Variants in TSEN15 observed in about 807,000 individuals in gnomAD.
TSEN15 encodes the protein tRNA-splicing endonuclease subunit Sen15.
A neutral mutation model predicts 20.5 loss-of-function variants in TSEN15; 10 were observed. The observed-to-expected ratio is 0.49, with a 90% CI of 0.30 to 0.83. The LOEUF (loss-of-function observed/expected upper bound fraction) is 0.83, where lower values mean the gene tolerates loss of function less well. Ranked by LOEUF, TSEN15 falls within the 40% of genes least tolerant of loss-of-function variation. The pLI is 0.06. For synonymous variants in TSEN15, 72 were observed against 80.1 expected (o/e 0.90, Z 0.54); for missense variants, 180 against 218.6 (o/e 0.82, Z 1.11).
chr1:184,081,783 C>T (rs1651173552), intron 3 of TSEN15, among the ~76,000 whole-genome samples: 3 of 152,094 alleles, frequency 2.0e-5, no homozygotes, highest in Admixed American at 1.3e-4. Flanking sequence ...GGGAAACAGG[C>T]CACCTAGAGG....
At chr1:184,069,969 A>T (rs1302375741) in intron 3 of TSEN15, among the ~76,000 whole-genome samples, 1 of 151,924 alleles carries the variant, frequency 6.6e-6, no homozygotes, top group Non-Finnish European at 1.5e-5. Flanking sequence ...AGGCCTCAGA[A>T]ATGGGAACTT....
At chr1:184,087,526 C>T (rs1471116493) in intron 3 of TSEN15, among the ~76,000 whole-genome samples, 3 of 152,214 alleles carry the variant, frequency 2.0e-5, no homozygotes, top group Non-Finnish European at 4.4e-5. Flanking sequence ...CATGATCAGA[C>T]TCCTGGTTTA....
At chr1:184,080,017 A>G (rs1651132268) in intron 3 of TSEN15, among the ~76,000 whole-genome samples, 1 of 152,192 alleles carries the variant, frequency 6.6e-6, no homozygotes, top group African/African-American at 2.4e-5. Flanking sequence ...TATGATAAAT[A>G]GTTTTCAAAC....
chr1:184,084,672 AG>A (rs1372995310), intron 3 of TSEN15, among the ~76,000 whole-genome samples: 1 of 151,986 alleles, frequency 6.6e-6, no homozygotes, highest in East Asian at 2.0e-4. Flanking sequence ...GCATCTGGCA[AG>A]GGCCTGCTTG....
chr1:184,055,030 G>T lies in TSEN15; in HGVS notation c.353+167G>T, dbSNP rs1650197058. On this transcript the variant is annotated intron_variant, in intron 3 of 4. Transcript: ENST00000645668. The stretch of plus-strand genomic sequence containing the variant: ...ATGAGTGTTGTATTCGGCCATTCTT[G>T]CATTGCTATAAAGAAATACCTGAGA... 1.0e-5 allele frequency: 7 copies of T among 701,340 alleles called. No individual in the cohort carries two copies. The South Asian group carries it at 1.8e-4, about 18-fold the overall frequency. 43.4% of individuals were successfully genotyped at this position (701,340 alleles called of 1,614,324 possible).
chr1:184,072,707 G>A, intron 4 of TSEN15, 120 bp from the exon 5 acceptor site: 1 of 812,788 alleles, frequency 1.2e-6, no homozygotes, highest in Admixed American at 2.7e-5. Context: ...TGCTATATGT[G>A]ATTTCTTTAC....
chr1:184,068,408 T>G (rs539910928), intron 3 of TSEN15, among the ~76,000 whole-genome samples: 6 of 152,328 alleles, frequency 3.9e-5, no homozygotes, highest in African/African-American at 1.4e-4. Flanking sequence ...GTCATTTGGC[T>G]TCTCTGCATA....
rs777274418 is a variant in TSEN15 at position 184,072,221 on chromosome 1, A to G, written c.418A>G (p.Thr140Ala). Reference sequence around the variant, plus strand: ...TGATCCAGATTTGCCGATGTCTTTTACTTTGGCCATAGTGGAGTCTGATTC... The same window carrying G: ...TGATCCAGATTTGCCGATGTCTTTTGCTTTGGCCATAGTGGAGTCTGATTC... ...QGDPDLPMSFTLAIVESDSTI... is the reference protein window; with the variant it reads ...QGDPDLPMSFALAIVESDSTI... Residue 140 changes from threonine to alanine, a missense_variant, in exon 4 of 5, where the codon ACT becomes GCT. By Grantham distance (58) the Thr-to-Ala change is moderately conservative. Coordinates refer to ENST00000645668, the MANE Select transcript of TSEN15 (RefSeq NM_052965.4). 1.2e-6 allele frequency: 2 copies of G among 1,613,584 alleles called. No individual in the cohort carries two copies. The highest frequency in any genetic ancestry group is 1.3e-5 in the African/African-American group (1 of 74,984).
chr1:184,059,394 A>C (rs1312743623), intron 3 of TSEN15, among the ~76,000 whole-genome samples: 1 of 152,178 alleles, frequency 6.6e-6, no homozygotes. Context: ...ATAAAATTTC[A>C]GAGAAAAGAG....
chr1:184,083,451 C>G (rs1651206489), intron 3 of TSEN15, among the ~76,000 whole-genome samples: 1 of 152,188 alleles, frequency 6.6e-6, no homozygotes, highest in African/African-American at 2.4e-5. Context: ...TATGCCAAAC[C>G]TATGCATTTA....
chr1:184,075,280 C>T (rs1197228560), downstream of TSEN15, among the ~76,000 whole-genome samples: 7 of 152,074 alleles, frequency 4.6e-5, no homozygotes, highest in Non-Finnish European at 1.5e-5. Context: ...GCCAGCCAGA[C>T]ACATCCTAAC....
rs138622492 is a variant in TSEN15 at position 184,079,828 on chromosome 1, G to A, written c.354-15862G>A. 1.6e-4 allele frequency among the ~76,000 whole-genome samples: 24 copies of A among 152,276 alleles called. No individual in the cohort carries two copies. In the East Asian group the frequency reaches 4.6e-3, roughly 29 times the overall value. On this transcript the variant is annotated intron_variant, in intron 3 of 3. Transcript: ENST00000643231. ...TCTCTGTGCTCAGATACTGTGGTAAGTCTAGGGATACAAAGATTGGTGAGA... is the reference window on the plus strand; with the variant it reads ...TCTCTGTGCTCAGATACTGTGGTAAATCTAGGGATACAAAGATTGGTGAGA...
chr1:184,083,618 TG>T (rs1199616997), intron 3 of TSEN15, among the ~76,000 whole-genome samples: 2 of 152,164 alleles, frequency 1.3e-5, no homozygotes, highest in Non-Finnish European at 2.9e-5. Context: ...TTTTGAATAT[TG>T]GGTGAAAAAT....
At chr1:184,057,746 TC>T (rs757633980) in intron 3 of TSEN15, among the ~76,000 whole-genome samples, 5 of 152,206 alleles carry the variant, frequency 3.3e-5, no homozygotes, top group African/African-American at 4.8e-5. Flanking sequence ...TATTTATTAT[TC>T]ATAATGAGAA....
chr1:184,091,553 C>T (rs1239885130), intron 3 of TSEN15, among the ~76,000 whole-genome samples: 5 of 152,032 alleles, frequency 3.3e-5, no homozygotes, highest in African/African-American at 1.2e-4. Flanking sequence ...ACAGCCCCTG[C>T]CTCTCCTTGC....
At chr1:184,067,941 AATAT>A (rs58463457) in intron 3 of TSEN15, among the ~76,000 whole-genome samples, 12,828 of 93,512 alleles carry the variant, frequency 0.14, 1,530 homozygotes, top group South Asian at 0.25. Context: ...AAAAAAAAAA[AATAT>A]ATATATATAT....
chr1:184,094,066 T>C (rs1213365404), intron 3 of TSEN15: 1 of 152,160 alleles, frequency 6.6e-6, no homozygotes, highest in East Asian at 1.9e-4. Context: ...GGATCTATGA[T>C]ATACCCTCAT....
intron 3 of TSEN15, among the ~76,000 whole-genome samples, chr1:184,088,866 T>C (rs374190276): frequency 8.5e-5 from 13 of 152,154 alleles, no homozygotes; most frequent in Admixed American, 2.6e-4. Context: ...CTTCCCTCTT[T>C]TACGCACCTA....
chr1:184,095,749 A>C (rs1170862832), exon 4 of TSEN15: 1 of 398,348 alleles, frequency 2.5e-6, no homozygotes, highest in Non-Finnish European at 4.4e-6. Flanking sequence ...CTTCAAGCCA[A>C]GAAGAGAGGC....
Sources: allele counts gnomAD v4.1 joint callset (sites outside exome capture counted in the v4.1 genomes callset), GRCh38; gene constraint gnomAD v4.1.1; transcripts MANE v1.5; gene names NCBI Gene and HGNC (gene_info 2026-07-23, HGNC 2026-07-21).